The following BNC2 variants were observed in gnomAD, a reference collection of about 807,000 sequenced individuals.
BNC2 encodes the protein zinc finger protein basonuclin-2.
A neutral mutation model predicts 76.3 loss-of-function variants in BNC2; 20 were observed. The ratio of observed to expected loss-of-function variants is 0.26; its 90% CI spans 0.18 to 0.38. The LOEUF (loss-of-function observed/expected upper bound fraction) is 0.38, where lower values mean the gene tolerates loss of function less well. Among genes scored for constraint, BNC2 ranks in the 10% least tolerant of loss-of-function variants. The probability of loss-of-function intolerance (pLI) is 1.00; values close to 1 mark genes in which losing one functional copy is unlikely to be tolerated. For missense variants in BNC2, 1,382 were observed against 1,399.8 expected, an observed-to-expected ratio of 0.99 and a Z score of 0.20; for synonymous variants, 582 against 514.8, an observed-to-expected ratio of 1.13 and a Z score of -1.77.
intron 1 of BNC2, among the ~76,000 whole-genome samples, chr9:16,773,054 G>A (rs1825870982): frequency 6.6e-6 from 1 of 152,174 alleles, no homozygotes; most frequent in African/African-American, 2.4e-5. Context: ...TGTGTCTATA[G>A]TGAGTCCTTC....
At chr9:16,820,963 G>A (rs922644636) in intron 1 of BNC2, among the ~76,000 whole-genome samples, 3 of 152,078 alleles carry the variant, frequency 2.0e-5, no homozygotes, top group African/African-American at 7.2e-5. Context: ...GGGAGGCCGA[G>A]GCAGGAGCAC....
At chr9:16,468,857 A>G (rs80020534) in intron 5 of BNC2, among the ~76,000 whole-genome samples, 10,853 of 152,264 alleles carry the variant, frequency 0.071, 1,092 homozygotes, top group African/African-American at 0.22. Context: ...GTGCATACTC[A>G]TATACCTCTA....
intron 3 of BNC2, among the ~76,000 whole-genome samples, chr9:16,591,559 A>G (rs1370720171): frequency 3.3e-5 from 5 of 152,172 alleles, no homozygotes; most frequent in Admixed American, 2.0e-4. Flanking sequence ...GAAATACATA[A>G]ATCTAAGTCT....
chr9:16,643,162 C>T (rs535134905), intron 3 of BNC2, among the ~76,000 whole-genome samples: 4 of 151,892 alleles, frequency 2.6e-5, no homozygotes, highest in Non-Finnish European at 5.9e-5. Context: ...TGAGGTTAGC[C>T]GGGCATGGTG....
At chr9:16,708,999 T>C (rs561614113) in intron 3 of BNC2, among the ~76,000 whole-genome samples, 12 of 152,340 alleles carry the variant, frequency 7.9e-5, no homozygotes, top group South Asian at 2.1e-4. Context: ...TATCTATCTG[T>C]GTCAGCGATT....
At chr9:16,843,416 C>T (rs759865149) in intron 1 of BNC2, among the ~76,000 whole-genome samples, 18 of 152,322 alleles carry the variant, frequency 1.2e-4, no homozygotes, top group Non-Finnish European at 2.4e-4. Context: ...CTGCAAGCTC[C>T]GCCTCCCGGG....
At chr9:16,632,116 T>A (rs1476583581) in intron 3 of BNC2, among the ~76,000 whole-genome samples, 3 of 152,204 alleles carry the variant, frequency 2.0e-5, no homozygotes, top group African/African-American at 7.2e-5. Context: ...AATTCAGCAG[T>A]GAGAATGCTC....
At chr9:16,859,082 C>T (rs1479165464) in intron 1 of BNC2, among the ~76,000 whole-genome samples, 2 of 151,630 alleles carry the variant, frequency 1.3e-5, no homozygotes, top group Non-Finnish European at 2.9e-5. Flanking sequence ...ATACAAATGC[C>T]CAAAAAGCAC....
intron 3 of BNC2, among the ~76,000 whole-genome samples, chr9:16,669,318 A>T (rs1822403052): frequency 6.6e-6 from 1 of 152,198 alleles, no homozygotes; most frequent in South Asian, 2.1e-4. Context: ...TCTAGATGGA[A>T]TATTCTATCA....
intron 3 of BNC2, among the ~76,000 whole-genome samples, chr9:16,719,642 T>C (rs1824089758): frequency 1.3e-5 from 2 of 152,234 alleles, no homozygotes; most frequent in South Asian, 4.1e-4. Flanking sequence ...ATACAGAATA[T>C]GTTTCAGTCT....
At chr9:16,597,140 A>T (rs1246889034) in intron 3 of BNC2, among the ~76,000 whole-genome samples, 2 of 152,150 alleles carry the variant, frequency 1.3e-5, no homozygotes, top group Non-Finnish European at 2.9e-5. Flanking sequence ...TAACTTTTAC[A>T]CAAGGGAAAG....
chr9:16,836,163 A>G (rs571316864), intron 1 of BNC2, among the ~76,000 whole-genome samples: 187 of 152,306 alleles, frequency 1.2e-3, no homozygotes, highest in Middle Eastern at 6.8e-3. Context: ...TGGTTCCCAG[A>G]TTAGGATTTG....
chr9:16,578,325 A>C (rs999162568), intron 4 of BNC2, among the ~76,000 whole-genome samples: 8 of 152,198 alleles, frequency 5.3e-5, no homozygotes, highest in Non-Finnish European at 1.0e-4. Context: ...TTAGAAATAA[A>C]GTCCTCATCT....
chr9:16,836,356 G>A (rs751070632), intron 1 of BNC2, among the ~76,000 whole-genome samples: 3 of 151,876 alleles, frequency 2.0e-5, no homozygotes, highest in Non-Finnish European at 2.9e-5. Flanking sequence ...GGAGTCAAAC[G>A]AATGCATATA....
At position 16,806,606 on chromosome 9, in the gene BNC2, T is replaced by C. The variant is rs537854221; in HGVS notation, c.3+64040A>G. 4.6e-5 allele frequency among the ~76,000 whole-genome samples: 7 copies of C among 152,264 alleles called. No individual in the cohort carries two copies. In the East Asian group the frequency reaches 1.4e-3, roughly 29 times the overall value. On this transcript the variant is annotated intron_variant, in intron 1 of 6. Coordinates refer to ENST00000380672, the MANE Select transcript of BNC2 (RefSeq NM_017637.6). ...TTGTATATGTTTGTCTGAAGGGGTG[T>C]TGGAGAAATCAGAGAAAGACCCAGA...
At chr9:16,691,042 A>G (rs1254636244) in intron 3 of BNC2, among the ~76,000 whole-genome samples, 2 of 152,180 alleles carry the variant, frequency 1.3e-5, no homozygotes, top group East Asian at 3.9e-4. Flanking sequence ...CACAGCCACA[A>G]ACAACAACAG....
intron 6 of BNC2, among the ~76,000 whole-genome samples, chr9:16,432,546 T>A (rs16934660): frequency 6.6e-6 from 1 of 152,190 alleles, no homozygotes; most frequent in Non-Finnish European, 1.5e-5. Flanking sequence ...GTTCGAATCA[T>A]GAAGAAGTCT....
At chr9:16,567,720 T>C (rs1374911769) in intron 4 of BNC2, among the ~76,000 whole-genome samples, 1 of 152,180 alleles carries the variant, frequency 6.6e-6, no homozygotes, top group Non-Finnish European at 1.5e-5. Context: ...TAAACACAAC[T>C]TTCCTTAAAA....
rs1487010004 is a variant in BNC2 at position 16,578,050 on chromosome 9, TG to T, written c.433+4932del. 1.6e-4 allele frequency among the ~76,000 whole-genome samples: 24 copies of T among 152,106 alleles called. 1 individual carries two copies. The highest frequency in any genetic ancestry group is 1.4e-3 in the Admixed American group (21 of 15,238). ...GTGGAATTAAAAAAAAATTTTTTTTTGTTTTTTTCCAAAAAAGAGATGGTCT... is the reference window on the plus strand; with the variant it reads ...GTGGAATTAAAAAAAAATTTTTTTTTTTTTTTTCCAAAAAAGAGATGGTCT... On this transcript the variant is annotated intron_variant, in intron 4 of 6. Coordinates refer to ENST00000380672, the MANE Select transcript of BNC2 (RefSeq NM_017637.6).
Sources: allele counts gnomAD v4.1 joint callset (sites outside exome capture counted in the v4.1 genomes callset), GRCh38; gene constraint gnomAD v4.1.1; transcripts MANE v1.5; gene names NCBI Gene and HGNC (gene_info 2026-07-23, HGNC 2026-07-21).